The following SLC30A9 variants were observed in gnomAD, a reference collection of about 807,000 sequenced individuals.
The protein encoded by SLC30A9 is solute carrier family 30 member 9, also known as proton-coupled zinc antiporter SLC30A9, mitochondrial.
Under a neutral mutation model 87.5 loss-of-function variants are expected in SLC30A9, and 58 were observed. The ratio of observed to expected loss-of-function variants is 0.66; its 90% CI spans 0.54 to 0.82. The LOEUF is 0.82. Among genes scored for constraint, SLC30A9 ranks in the 40% least tolerant of loss-of-function variants. The pLI is 0.00. For missense variants in SLC30A9, 557 were observed against 679.1 expected (o/e 0.82, Z 2.00); for synonymous variants, 234 against 233.0 (o/e 1.00, Z -0.04).
rs749164208 is a variant in SLC30A9, at chr4:42,039,030, A to C, written c.714A>C (p.Lys238Asn). 2 of 1,613,542 alleles carry C rather than the reference A, an allele frequency of 1.2e-6. No individual in the cohort carries two copies. The highest frequency in any genetic ancestry group is 2.2e-5 in the South Asian group (2 of 91,040). ...CAGTGTTTTTTAAGGGACCAGGAAA[A>C]GTGGTGATGGTTGCAATTTGCATGT... Reference protein sequence around the residue: ...TASVFFKGPGKVVMVAICING... With the variant: ...TASVFFKGPGNVVMVAICING... The change falls in exon 8 of 18, where the codon AAA becomes AAC. Residue 238 changes from lysine (K) to asparagine (N), a missense_variant. By Grantham distance (94) the Lys-to-Asn change is moderately conservative. This residue lies in a region of SLC30A9 where 467 missense variants were observed against 529.8 expected (regional missense o/e 0.88). Transcript: ENST00000264451.
At chr4:42,004,079 T>C (rs1324462105) in intron 2 of SLC30A9, among the ~76,000 whole-genome samples, 2 of 152,216 alleles carry the variant, frequency 1.3e-5, no homozygotes, top group Non-Finnish European at 2.9e-5. Flanking sequence ...ATGTACATCC[T>C]ATACAAGTTC....
At chr4:42,042,013 C>T (rs1007495742) in intron 8 of SLC30A9, among the ~76,000 whole-genome samples, 11 of 152,148 alleles carry the variant, frequency 7.2e-5, no homozygotes, top group African/African-American at 1.2e-4. Flanking sequence ...CTGTGAGGAA[C>T]GGTGCATTCC....
Position 42,016,431 on chromosome 4 carries a change from C to T in SLC30A9, c.275-1680C>T, listed in dbSNP as rs77495190. On this transcript the variant is annotated intron_variant, in intron 2 of 17. Coordinates refer to ENST00000264451, the MANE Select transcript of SLC30A9 (RefSeq NM_006345.4). ...ATCACATCCTCCTATCTCCATTTGT[C>T]CTATGTATCCATGTGAAAAAAAAGA... Among the ~76,000 whole-genome samples, 491 of 152,114 alleles carry T rather than the reference C, an allele frequency of 3.2e-3. 2 individuals are homozygous for T. Among genetic ancestry groups the T allele is most frequent in the African/African-American group, 0.011 (470 of 41,502 alleles).
At position 42,001,688 on chromosome 4, in the gene SLC30A9, TGA is replaced by T. The variant is rs750846109; in HGVS notation, c.184_185del (p.Gln63SerfsTer27). ...TGTAGTCATCCATATATTGGTACCCTGAGTCAAGTAAAGTTGTACTCCACAAA... is the reference window on the plus strand; with the variant it reads ...TGTAGTCATCCATATATTGGTACCCTGTCAAGTAAAGTTGTACTCCACAAA... On this transcript the variant is annotated frameshift_variant, in exon 2 of 18. Coordinates refer to ENST00000264451, the MANE Select transcript of SLC30A9 (RefSeq NM_006345.4). LOFTEE classifies it high-confidence loss of function. 6.2e-7 allele frequency: 1 copy of T among 1,608,968 alleles called. No individual in the cohort carries two copies. The highest frequency in any genetic ancestry group is 1.7e-5 in the Admixed American group (1 of 59,848).
chr4:42,068,619 G>T (rs572741036), intron 14 of SLC30A9, among the ~76,000 whole-genome samples: 17 of 152,308 alleles, frequency 1.1e-4, no homozygotes, highest in African/African-American at 3.4e-4. Context: ...CTATAAAGTC[G>T]CAGTTTCTAA....
intron 2 of SLC30A9, among the ~76,000 whole-genome samples, chr4:42,010,136 T>A (rs1715377724): frequency 6.6e-6 from 1 of 152,206 alleles, no homozygotes; most frequent in South Asian, 2.1e-4. Flanking sequence ...TGGCAAACAC[T>A]TAAAGCCTTT....
chr4:42,076,706 G>A (rs899293003), intron 16 of SLC30A9, among the ~76,000 whole-genome samples: 1 of 152,144 alleles, frequency 6.6e-6, no homozygotes, highest in Non-Finnish European at 1.5e-5. Flanking sequence ...GCTCACGTCT[G>A]TAATCCCAGC....
chr4:42,070,440 A>G, intron 14 of SLC30A9, 86 bp from the exon 15 acceptor site: 1 of 1,016,984 alleles, frequency 9.8e-7, no homozygotes, highest in Non-Finnish European at 1.4e-6. Flanking sequence ...GCCTTGATTT[A>G]CTCGTTCTGG....
chr4:42,068,895 C>T (rs1019734654), intron 14 of SLC30A9, among the ~76,000 whole-genome samples: 2 of 152,316 alleles, frequency 1.3e-5, no homozygotes, highest in Admixed American at 1.3e-4. Flanking sequence ...TTGGAATTCT[C>T]TTGGAAAGGA....
intron 9 of SLC30A9, among the ~76,000 whole-genome samples, chr4:42,059,121 T>C (rs1468739310): frequency 1.3e-5 from 2 of 152,208 alleles, no homozygotes; most frequent in Non-Finnish European, 2.9e-5. Context: ...AAAAAATGTG[T>C]CTATTAAATT....
chr4:42,070,760 G>A (rs1463124432), intron 15 of SLC30A9, 69 bp downstream of exon 15: 2 of 1,315,110 alleles, frequency 1.5e-6, no homozygotes, highest in Non-Finnish European at 2.1e-6. Context: ...TGCCTGGTTT[G>A]TAAATACTTC....
intron 4 of SLC30A9, 43 bp from the exon 5 acceptor site, chr4:42,022,795 T>C (rs1716027796): frequency 3.5e-6 from 4 of 1,152,038 alleles, no homozygotes; most frequent in South Asian, 1.4e-5. Context: ...ATATAAACTA[T>C]ATGCACTTTG....
chr4:42,017,393 G>T (rs1715770621), intron 2 of SLC30A9, among the ~76,000 whole-genome samples: 1 of 144,020 alleles, frequency 6.9e-6, no homozygotes, highest in African/African-American at 2.5e-5. Flanking sequence ...TTTTTTATGG[G>T]ATTACTTGAT....
intron 6 of SLC30A9, chr4:42,029,693 T>G (rs1278450092): frequency 5.3e-6 from 4 of 751,102 alleles, no homozygotes; most frequent in Non-Finnish European, 4.9e-6. Flanking sequence ...GAAATTGCTC[T>G]GGATTAAATG....
At chr4:42,029,420 A>G (rs3827590) in intron 6 of SLC30A9, 456,323 of 635,256 alleles carry the variant, frequency 0.72, 171,262 homozygotes, top group East Asian at 0.97. Flanking sequence ...TATCAGAACC[A>G]CATATCAGGA....
chr4:41,991,231 G>C (rs1476594100), intron 1 of SLC30A9, among the ~76,000 whole-genome samples: 2 of 152,218 alleles, frequency 1.3e-5, no homozygotes, highest in East Asian at 3.9e-4. Flanking sequence ...AAGGAAGGAG[G>C]GGTGCTACTC....
At chr4:42,035,895 GT>G (rs775425394) in intron 7 of SLC30A9, among the ~76,000 whole-genome samples, 15 of 152,076 alleles carry the variant, frequency 9.9e-5, no homozygotes, top group Non-Finnish European at 2.2e-4. Flanking sequence ...ATTTTCTTAG[GT>G]TTTAGTGAGA....
intron 4 of SLC30A9, among the ~76,000 whole-genome samples, chr4:42,022,301 C>T (rs1716000747): frequency 7.2e-6 from 1 of 138,142 alleles, no homozygotes; most frequent in African/African-American, 2.5e-5. Context: ...GATCTTGGCT[C>T]ACTGTAACCT....
intron 6 of SLC30A9, among the ~76,000 whole-genome samples, chr4:42,024,246 C>T (rs1351973093): frequency 6.6e-6 from 1 of 152,158 alleles, no homozygotes; most frequent in Admixed American, 6.5e-5. Flanking sequence ...AGCTACTTGC[C>T]TGTAATCCCA....
Sources: gnomAD v4.1 joint callset for allele counts (sites outside exome capture counted in the v4.1 genomes callset) on GRCh38, gnomAD v4.1.1 for gene constraint, gnomAD v4.1.1 regional missense constraint, MANE v1.5 for transcripts, NCBI Gene and HGNC (gene_info 2026-07-23, HGNC 2026-07-21) for gene names.